The following ANKRD18A variants were observed in gnomAD, a reference collection of about 807,000 sequenced individuals.
ANKRD18A encodes the protein ankyrin repeat domain 18A.
In ANKRD18A, 72 loss-of-function variants were observed where a neutral mutation model predicts 110.6. That is an observed-to-expected ratio of 0.65 (90% CI 0.54 to 0.79). The LOEUF is 0.79. ANKRD18A is among the 30% of genes least tolerant of loss of function. The probability of loss-of-function intolerance (pLI) is 0.00; values close to 1 mark genes in which losing one functional copy is unlikely to be tolerated. For synonymous variants in ANKRD18A, 305 were observed against 410.3 expected, an observed-to-expected ratio of 0.74 and a Z score of 3.10; for missense variants, 934 against 1,163.3, an observed-to-expected ratio of 0.80 and a Z score of 2.87.
At chr9:38,594,701 T>G (rs1180596629) in intron 9 of ANKRD18A, among the ~76,000 whole-genome samples, 1 of 152,118 alleles carries the variant, frequency 6.6e-6, no homozygotes, top group Non-Finnish European at 1.5e-5. Context: ...TTACACCAAC[T>G]AAAATACATA....
intron 8 of ANKRD18A, among the ~76,000 whole-genome samples, chr9:38,600,103 G>C (rs576196487): frequency 6.6e-6 from 1 of 152,128 alleles, no homozygotes; most frequent in Non-Finnish European, 1.5e-5. Context: ...TTATAACTAA[G>C]AAGTAAAAAT....
intron 1 of ANKRD18A, among the ~76,000 whole-genome samples, chr9:38,619,373 T>C (rs2118918186): frequency 6.6e-6 from 1 of 152,348 alleles, no homozygotes; most frequent in South Asian, 2.1e-4. Flanking sequence ...GTATATATCT[T>C]ACATATATTT....
intron 15 of ANKRD18A, chr9:38,572,329 G>C: frequency 3.5e-6 from 1 of 289,432 alleles, no homozygotes; most frequent in Non-Finnish European, 6.5e-6. Context: ...ACAAGATGAA[G>C]ATGGCATGGT....
At chr9:38,592,905 G>A (rs1434584290) in intron 10 of ANKRD18A, among the ~76,000 whole-genome samples, 2 of 150,004 alleles carry the variant, frequency 1.3e-5, no homozygotes, top group African/African-American at 2.5e-5. Context: ...AGTGGATGGT[G>A]GTTGCCTACA....
intron 9 of ANKRD18A, among the ~76,000 whole-genome samples, chr9:38,594,748 A>T (rs1824800649): frequency 6.6e-6 from 1 of 152,206 alleles, no homozygotes; most frequent in South Asian, 2.1e-4. Flanking sequence ...ATCACAAGAC[A>T]CAGCAACACA....
In ANKRD18A at chr9:38,596,008, T is replaced by G. The variant is rs1253746802; in HGVS notation, c.1332A>C (p.Leu444=). Residue 444 remains leucine (L), a synonymous_variant, in exon 9 of 16, where the codon CTA becomes CTC. Coordinates refer to ENST00000399703, the MANE Select transcript of ANKRD18A (RefSeq NM_147195.4). ...AAACATCATCTGCTCTCCATAAAAC[T>G]AGTTCTAGGTCTTTTCTTTCCACAA... ...NEIVERKDLE[L]VLWRADDVSR... 1.3e-6 allele frequency: 2 copies of G among 1,549,748 alleles called. No homozygotes were observed. Among genetic ancestry groups the G allele is most frequent in the Admixed American group, 4.0e-5 (2 of 50,588 alleles).
At chr9:38,570,522 G>A (rs1176077987), downstream of ANKRD18A, among the ~76,000 whole-genome samples, 6 of 152,206 alleles carry the variant, frequency 3.9e-5, no homozygotes, top group Admixed American at 3.9e-4. Flanking sequence ...CAATGACTAG[G>A]TCACAAGATA....
rs763090647 is a variant in ANKRD18A, at chr9:38,610,313, G to A, written c.700C>T (p.Gln234Ter). The change falls in exon 5 of 16, where the codon CAA (glutamine) becomes TAA (stop). Residue 234 changes from glutamine to a stop codon, truncating the protein, a stop_gained. Coordinates refer to ENST00000399703, the MANE Select transcript of ANKRD18A (RefSeq NM_147195.4). LOFTEE classifies it high-confidence loss of function. ...IRISSQDMFG[Q>*]TAEDYALCSD... is the part of the protein sequence containing the mutation. ...CAAAGAGCATAATCCTCGGCAGTTT[G>A]GCCAAACATGTCTTGAGAAGAGATA... The A allele has an allele frequency of 6.4e-7, 1 of 1,550,658 alleles. No homozygotes were observed. Among genetic ancestry groups the A allele is most frequent in the South Asian group, 1.2e-5 (1 of 83,746 alleles).
chr9:38,597,476 T>G (rs1449189824), intron 8 of ANKRD18A, among the ~76,000 whole-genome samples: 1 of 152,080 alleles, frequency 6.6e-6, no homozygotes, highest in African/African-American at 2.4e-5. Context: ...ATACACAGTA[T>G]AGCTGTCCAC....
chr9:38,596,415 A>G lies in ANKRD18A; in HGVS notation c.937-12T>C. On this transcript the variant is annotated splice_polypyrimidine_tract_variant and intron_variant, in intron 8 of 15. Transcript: ENST00000399703. ...TAACTTTGAGAATCCTAAATAAAAC[A>G]AAACAAATTTTTAGTTAGCACTCAA... 2.1e-6 allele frequency: 3 copies of G among 1,430,160 alleles called. No individual in the cohort carries two copies. The highest frequency in any genetic ancestry group is 5.1e-5 in the East Asian group (2 of 39,218). 88.6% of individuals were successfully genotyped at this position (1,430,160 alleles called of 1,614,324 possible).
At position 38,604,943 on chromosome 9, in the gene ANKRD18A, A is replaced by G. The variant is rs544310694; in HGVS notation, c.809-1731T>C. 3 of 162,502 alleles carry G rather than the reference A, an allele frequency of 1.8e-5. No individual in the cohort carries two copies. The East Asian group carries it at 5.8e-4, about 31-fold the overall frequency. 10.1% of individuals were successfully genotyped at this position (162,502 alleles called of 1,614,324 possible). ...TGTCAAACATGCAAGCTTGTTAGAT[A>G]CTCTTTCTGCCAAGCATCATCCCTC... On this transcript the variant is annotated intron_variant, in intron 6 of 15. Transcript: ENST00000399703.
intron 11 of ANKRD18A, among the ~76,000 whole-genome samples, chr9:38,587,537 A>G (rs1824439553): frequency 6.6e-6 from 1 of 152,218 alleles, no homozygotes; most frequent in South Asian, 2.1e-4. Context: ...TAAAATGAGT[A>G]AATTTCCATG....
chr9:38,567,682 T>C (rs1823515343), downstream of ANKRD18A: 4 of 152,348 alleles, frequency 2.6e-5, no homozygotes, highest in Admixed American at 2.6e-4. Flanking sequence ...CACTAACAGG[T>C]CCATGACTGG....
downstream of ANKRD18A, chr9:38,571,155 G>A: frequency 6.5e-7 from 1 of 1,534,546 alleles, no homozygotes; most frequent in East Asian, 2.4e-5. Context: ...TTCTGTTGGG[G>A]ACTAGTGAGC....
rs570939876 is a variant in ANKRD18A at position 38,593,734 on chromosome 9, G to A, written c.2004+26C>T. The A allele has an allele frequency of 2.6e-4, 393 of 1,502,534 alleles. 1 individual carries two copies. In the African/African-American group the frequency reaches 5.0e-3, roughly 19 times the overall value. The allele number at this position is 1,502,534 out of a possible 1,614,324, so 93.1% of individuals were successfully genotyped here. A position where few individuals can be genotyped will look rare whatever the true frequency, so the allele number is the denominator to read the frequency against. ...TTATTCAACCAGCTACAGATTAACT[G>A]TCTACATGTTAAATTCCATACATAC... is the stretch of plus-strand genomic sequence containing the variant. On this transcript the variant is annotated intron_variant, in intron 10 of 15. Coordinates refer to ENST00000399703, the MANE Select transcript of ANKRD18A (RefSeq NM_147195.4).
At position 38,615,966 on chromosome 9, in the gene ANKRD18A, G is replaced by A. The variant is rs762755247; in HGVS notation, c.285C>T (p.Asp95=). The A allele has an allele frequency of 6.9e-6, 11 of 1,583,326 alleles. No individual in the cohort carries two copies. Among genetic ancestry groups the A allele is most frequent in the Non-Finnish European group, 9.5e-6 (11 of 1,163,552 alleles). ...TLLLHRRCQI[D]ICDRLNRTPL... is the part of the protein sequence containing the mutation. ...GTGTCCTGTTTAGTCTGTCACAGAT[G>A]TCGATCTGGCATCTTCTGTGCAGCA... Residue 95 remains aspartate (D), a synonymous_variant, in exon 2 of 16, where the codon GAC becomes GAT. Coordinates refer to ENST00000399703, the MANE Select transcript of ANKRD18A (RefSeq NM_147195.4).
chr9:38,593,532 A>T (rs1824745093), intron 10 of ANKRD18A, among the ~76,000 whole-genome samples: 1 of 152,244 alleles, frequency 6.6e-6, no homozygotes, highest in Admixed American at 6.5e-5. Flanking sequence ...ATTATTCTCA[A>T]CTTTCCCAAG....
intron 10 of ANKRD18A, among the ~76,000 whole-genome samples, chr9:38,589,521 C>G (rs1446898479): frequency 6.6e-6 from 1 of 152,266 alleles, no homozygotes; most frequent in Non-Finnish European, 1.5e-5. Flanking sequence ...CTGCTTCAAG[C>G]TAGCCCACCC....
Position 38,618,153 on chromosome 9 carries a change from CAA to C in ANKRD18A, c.206+1925_206+1926del, listed in dbSNP as rs925364260. On this transcript the variant is annotated intron_variant, in intron 1 of 15. Transcript: ENST00000399703. ...TAGTGAGAAATTATTTTTATCTGTT[CAA>C]GAGTCATATTTCTCTTCCCAAAATT... Among the ~76,000 whole-genome samples, 53 of 152,086 alleles carry C rather than the reference CAA, an allele frequency of 3.5e-4. 1 individual carries two copies. The highest frequency in any genetic ancestry group is 1.7e-3 in the South Asian group (8 of 4,808).
Sources: gnomAD v4.1 joint callset for allele counts (sites outside exome capture counted in the v4.1 genomes callset) on GRCh38, gnomAD v4.1.1 for gene constraint, MANE v1.5 for transcripts, NCBI Gene and HGNC (gene_info 2026-07-23, HGNC 2026-07-21) for gene names.